Variants in ERBB4 observed in about 807,000 individuals in gnomAD.
ERBB4 encodes receptor tyrosine-protein kinase erbB-4.
In ERBB4, 42 loss-of-function variants were observed where a neutral mutation model predicts 158.0. The observed-to-expected ratio is 0.27, with a 90% CI of 0.21 to 0.34. The LOEUF (loss-of-function observed/expected upper bound fraction) is 0.34. Ranked by LOEUF, ERBB4 falls within the 10% of genes least tolerant of loss-of-function variation. The pLI is 1.00. For synonymous variants in ERBB4, 583 were observed against 558.7 expected, an observed-to-expected ratio of 1.04 and a Z score of -0.61; for missense variants, 1,333 against 1,624.1, an observed-to-expected ratio of 0.82 and a Z score of 3.08.
chr2:212,158,155 T>A (rs1329089755), intron 1 of ERBB4, among the ~76,000 whole-genome samples: 1 of 152,060 alleles, frequency 6.6e-6, no homozygotes, highest in Non-Finnish European at 1.5e-5. Flanking sequence ...ATATCCATTT[T>A]GCAGACAAGA....
At chr2:212,064,632 A>T (rs556583546) in intron 2 of ERBB4, among the ~76,000 whole-genome samples, 1 of 152,206 alleles carries the variant, frequency 6.6e-6, no homozygotes, top group East Asian at 1.9e-4. Flanking sequence ...CTAAGACAAA[A>T]AGAGGTACAG....
intron 2 of ERBB4, among the ~76,000 whole-genome samples, chr2:212,030,672 G>C (rs577765514): frequency 6.6e-6 from 1 of 152,226 alleles, no homozygotes; most frequent in South Asian, 2.1e-4. Flanking sequence ...GGGACCTTTA[G>C]AGAATATGTA....
chr2:212,294,980 G>A (rs185703328), intron 1 of ERBB4, among the ~76,000 whole-genome samples: 4 of 152,172 alleles, frequency 2.6e-5, no homozygotes, highest in East Asian at 2.0e-4. Context: ...TGGGTCATAC[G>A]TGGTAATATT....
chr2:212,185,458 G>A (rs184191646), intron 1 of ERBB4, among the ~76,000 whole-genome samples: 40 of 152,068 alleles, frequency 2.6e-4, no homozygotes, highest in South Asian at 4.2e-4. Context: ...CAGAAATCAC[G>A]TGCAATTAAA....
chr2:212,469,093 T>C (rs566098272), intron 1 of ERBB4, among the ~76,000 whole-genome samples: 63 of 152,304 alleles, frequency 4.1e-4, no homozygotes, highest in African/African-American at 1.3e-3. Context: ...AAGAAATAGA[T>C]TTCTTTCTTT....
At chr2:211,737,516 G>T (rs2074641492) in intron 5 of ERBB4, among the ~76,000 whole-genome samples, 1 of 152,150 alleles carries the variant, frequency 6.6e-6, no homozygotes, top group African/African-American at 2.4e-5. Context: ...ATAACTACAG[G>T]AAGTTCTCTG....
In ERBB4 at chr2:212,133,085, G is replaced by A. The variant is rs111665206; in HGVS notation, c.83-8182C>T. ...TCATGTTTGCTCTTTTTGATATCCT[G>A]TAACTTAAAATTTTTTGGTTCTGTT... On this transcript the variant is annotated intron_variant, in intron 1 of 27. Transcript: ENST00000342788. 6.9e-3 allele frequency among the ~76,000 whole-genome samples: 1,050 copies of A among 152,044 alleles called. 7 individuals are homozygous for A. Among genetic ancestry groups the A allele is most frequent in the Middle Eastern group, 0.024 (7 of 294 alleles).
At chr2:211,422,140 G>A (rs200238913) in intron 23 of ERBB4, 36 bp from the exon 24 acceptor site, 157 of 1,302,752 alleles carry the variant, frequency 1.2e-4, no homozygotes, top group Admixed American at 2.9e-4. Flanking sequence ...CACTATATTC[G>A]TAACTAGAAA....
chr2:211,864,024 T>C (rs1012367246), intron 3 of ERBB4, among the ~76,000 whole-genome samples: 1 of 152,168 alleles, frequency 6.6e-6, no homozygotes, highest in Non-Finnish European at 1.5e-5. Context: ...CCAGTCCTGC[T>C]GGCAGTAGCA....
intron 1 of ERBB4, among the ~76,000 whole-genome samples, chr2:212,276,060 G>C (rs1164290230): frequency 6.6e-6 from 1 of 151,754 alleles, no homozygotes; most frequent in Non-Finnish European, 1.5e-5. Flanking sequence ...AGTTGTTCAA[G>C]GGTCAGCTCT....
intron 3 of ERBB4, 72 bp downstream of exon 3, chr2:211,947,358 A>C (rs1306914731): frequency 8.1e-7 from 1 of 1,229,882 alleles, no homozygotes; most frequent in Non-Finnish European, 1.2e-6. Flanking sequence ...CAAATATGAC[A>C]GTAACCCTAC....
intron 19 of ERBB4, among the ~76,000 whole-genome samples, chr2:211,617,687 A>T (rs2069443086): frequency 6.6e-6 from 1 of 152,120 alleles, no homozygotes; most frequent in Non-Finnish European, 1.5e-5. Flanking sequence ...AGTAGTTAGC[A>T]TTATACATAA....
chr2:212,511,269 C>T (rs1163760196), intron 1 of ERBB4, among the ~76,000 whole-genome samples: 1 of 152,082 alleles, frequency 6.6e-6, no homozygotes, highest in East Asian at 1.9e-4. Context: ...CCCTATTAGG[C>T]TTCCAAAGGA....
At chr2:212,047,449 C>A (rs1253809899) in intron 2 of ERBB4, among the ~76,000 whole-genome samples, 2 of 151,040 alleles carry the variant, frequency 1.3e-5, no homozygotes, top group Non-Finnish European at 2.9e-5. Context: ...CTTGAAGATT[C>A]TCCTTCATAT....
chr2:211,961,557 C>T (rs2081180510), intron 2 of ERBB4, among the ~76,000 whole-genome samples: 1 of 152,108 alleles, frequency 6.6e-6, no homozygotes, highest in South Asian at 2.1e-4. Context: ...TGTTAGCTTG[C>T]AAACACTCTA....
intron 20 of ERBB4, among the ~76,000 whole-genome samples, chr2:211,487,870 A>G (rs186554306): frequency 6.6e-6 from 1 of 152,048 alleles, no homozygotes; most frequent in African/African-American, 2.4e-5. Flanking sequence ...AAGAGAGAGG[A>G]AAAGTGTGTT....
chr2:211,673,684 G>A (rs2071941419), intron 13 of ERBB4, among the ~76,000 whole-genome samples: 1 of 151,880 alleles, frequency 6.6e-6, no homozygotes, highest in South Asian at 2.1e-4. Flanking sequence ...TTGTTGCTAA[G>A]TTACATGAAT....
chr2:212,280,044 T>G lies in ERBB4; in HGVS notation c.83-155141A>C, dbSNP rs1203809784. On this transcript the variant is annotated intron_variant, in intron 1 of 27. Coordinates refer to ENST00000342788, the MANE Select transcript of ERBB4 (RefSeq NM_005235.3). The stretch of plus-strand genomic sequence containing the variant: ...ATTGAATTGCAATGTAAAGAAATTT[T>G]CTTCAAAAAGAACTTGAAAATCTGC... 3.3e-5 allele frequency among the ~76,000 whole-genome samples: 5 copies of G among 151,660 alleles called. No homozygotes were observed. The East Asian group carries it at 9.7e-4, about 29-fold the overall frequency.
At position 212,163,357 on chromosome 2, in the gene ERBB4, T is replaced by A. The variant is rs369596354; in HGVS notation, c.83-38454A>T. On this transcript the variant is annotated intron_variant, in intron 1 of 27. Transcript: ENST00000342788. The stretch of plus-strand genomic sequence containing the variant: ...ATGATATAAAGGCACTATTCATTAA[T>A]AAGGGTGAAGGAACTAAACAAAACA... Among the ~76,000 whole-genome samples, 3 of 151,120 alleles carry A rather than the reference T, an allele frequency of 2.0e-5. No individual in the cohort carries two copies. The East Asian group carries it at 5.9e-4, about 30-fold the overall frequency.
Sources: allele counts gnomAD v4.1 joint callset (sites outside exome capture counted in the v4.1 genomes callset), GRCh38; gene constraint gnomAD v4.1.1; transcripts MANE v1.5; gene names NCBI Gene and HGNC (gene_info 2026-07-23, HGNC 2026-07-21).